Variants in YEATS2 observed in about 807,000 individuals in gnomAD.
YEATS2 encodes the protein YEATS domain containing 2.
In YEATS2, 77 loss-of-function variants were observed where a neutral mutation model predicts 163.2. The observed-to-expected ratio is 0.47, with a 90% CI of 0.39 to 0.57. YEATS2 has a LOEUF of 0.57. Ranked by LOEUF, YEATS2 falls within the 20% of genes least tolerant of loss-of-function variation. The pLI is 0.00. For missense variants in YEATS2, 1,549 were observed against 1,729.8 expected (o/e 0.90, Z 1.85); for synonymous variants, 631 against 645.1 (o/e 0.98, Z 0.33).
intron 5 of YEATS2, among the ~76,000 whole-genome samples, chr3:183,722,524 C>T (rs925626295): frequency 3.9e-5 from 6 of 152,238 alleles, no homozygotes; most frequent in Admixed American, 6.5e-5. Flanking sequence ...CTCCTGACCT[C>T]GTGATCTTCC....
chr3:183,719,260 C>A (rs913839427), intron 4 of YEATS2, among the ~76,000 whole-genome samples: 2 of 151,132 alleles, frequency 1.3e-5, no homozygotes, highest in Non-Finnish European at 3.0e-5. Flanking sequence ...CTCAGCCTCC[C>A]AAGTAGCTGG....
intron 7 of YEATS2, among the ~76,000 whole-genome samples, chr3:183,730,052 G>GTTTGTTTTT (rs1560244258): frequency 4.3e-4 from 18 of 41,714 alleles, no homozygotes; most frequent in Non-Finnish European, 7.0e-4. Context: ...TTTTTTGTTT[G>GTTTGTTTTT]TTTTTTTTTT....
chr3:183,713,653 T>C (rs1715502200), intron 1 of YEATS2, among the ~76,000 whole-genome samples: 1 of 152,248 alleles, frequency 6.6e-6, no homozygotes, highest in African/African-American at 2.4e-5. Flanking sequence ...ACAGCACTGG[T>C]CTGGATGATA....
At position 183,772,611 on chromosome 3, in the gene YEATS2, A is replaced by C. The variant is rs376924531; in HGVS notation, c.2206+48A>C. On this transcript the variant is annotated intron_variant, in intron 16 of 30. Transcript: ENST00000305135. Reference sequence around the variant, plus strand: ...GCCCTTTCAGCAGAAGCTCTGTCCAAAATTTCCTTTGCTAGTGATTTTATT... The same window carrying C: ...GCCCTTTCAGCAGAAGCTCTGTCCACAATTTCCTTTGCTAGTGATTTTATT... 17 of 1,603,398 alleles carry C rather than the reference A, an allele frequency of 1.1e-5. No individual in the cohort carries two copies. The African/African-American group carries it at 1.9e-4, about 18-fold the overall frequency.
chr3:183,768,274 A>G (rs1025041434), intron 15 of YEATS2, among the ~76,000 whole-genome samples: 1 of 152,204 alleles, frequency 6.6e-6, no homozygotes, highest in African/African-American at 2.4e-5. Context: ...CTTCTTGCCA[A>G]GAGGAAGGGA....
In YEATS2 at chr3:183,789,524, A is replaced by ATTTTTT. The variant is rs1560317945; in HGVS notation, c.2914-1273_2914-1272insTTTTTT. ...TTTAGGTTTCAGATTCATTCGAGTT[A>ATTTTTT]ATTTTTTTTTTTTTTTTTTTTTTTT... On this transcript the variant is annotated intron_variant, in intron 20 of 30. Coordinates refer to ENST00000305135, the MANE Select transcript of YEATS2 (RefSeq NM_018023.5). Among the ~76,000 whole-genome samples the ATTTTTT allele has an allele frequency of 5.2e-5, 4 of 77,104 alleles. No individual in the cohort carries two copies. The South Asian group carries it at 1.3e-3, about 26-fold the overall frequency. The allele number at this position is 77,104 out of a possible 152,430, so 50.6% of individuals were successfully genotyped here.
intron 19 of YEATS2, among the ~76,000 whole-genome samples, chr3:183,779,600 C>T (rs934447246): frequency 1.3e-5 from 2 of 152,218 alleles, no homozygotes; most frequent in East Asian, 3.8e-4. Context: ...GTAGGAGCAA[C>T]CGTGCTTTAT....
chr3:183,717,796 T>A lies in YEATS2; in HGVS notation c.198+48T>A, dbSNP rs551666007. 4.5e-5 allele frequency: 53 copies of A among 1,170,306 alleles called. No individual in the cohort carries two copies. In the Middle Eastern group the frequency reaches 1.0e-3, roughly 22 times the overall value. 72.5% of individuals were successfully genotyped at this position (1,170,306 alleles called of 1,614,324 possible). The stretch of plus-strand genomic sequence containing the variant: ...TAAACACCAAAGCTATTGAAAAAAA[T>A]GTATACATGATTGAAAAATAATCTA... On this transcript the variant is annotated intron_variant, in intron 3 of 30. Transcript: ENST00000305135.
intron 21 of YEATS2, among the ~76,000 whole-genome samples, chr3:183,796,517 T>G (rs1047202451): frequency 3.3e-5 from 5 of 150,768 alleles, no homozygotes; most frequent in Non-Finnish European, 7.4e-5. Context: ...CAAAGGCTGC[T>G]GCACAGAGGT....
chr3:183,810,633 G>C lies in YEATS2; in HGVS notation c.*50G>C, dbSNP rs768639927. The stretch of plus-strand genomic sequence containing the variant: ...CAGGCTTTGAAGGCACAGCGAAGCT[G>C]TAACTGAGGACCCTGCTGCTCGGGA... On this transcript the variant is annotated 3_prime_UTR_variant, in exon 31 of 31. Transcript: ENST00000305135. 1 of 1,540,164 alleles carries C rather than the reference G, an allele frequency of 6.5e-7. No homozygotes were observed. Among genetic ancestry groups the C allele is most frequent in the Non-Finnish European group, 9.0e-7 (1 of 1,116,460 alleles).
At chr3:183,768,841 G>A (rs985324990) in intron 15 of YEATS2, among the ~76,000 whole-genome samples, 7 of 152,126 alleles carry the variant, frequency 4.6e-5, no homozygotes, top group Admixed American at 3.3e-4. Flanking sequence ...GTGTGGTGGC[G>A]TGTGCCCATA....
At chr3:183,796,747 A>G (rs1302697649) in intron 21 of YEATS2, among the ~76,000 whole-genome samples, 2 of 152,118 alleles carry the variant, frequency 1.3e-5, no homozygotes, top group Non-Finnish European at 2.9e-5. Context: ...ATCCAGAGCT[A>G]TGTACAAAAT....
intron 11 of YEATS2, among the ~76,000 whole-genome samples, chr3:183,755,027 A>T (rs1034292187): frequency 6.6e-6 from 1 of 152,026 alleles, no homozygotes; most frequent in East Asian, 2.0e-4. Context: ...TGAAGGGGGG[A>T]AAAAAAGAAT....
At chr3:183,798,820 T>G (rs1725399797) in intron 22 of YEATS2, 71 bp from the exon 23 acceptor site, 1 of 1,229,634 alleles carries the variant, frequency 8.1e-7, no homozygotes, top group East Asian at 2.3e-5. Context: ...GGTTGTCACC[T>G]GGAAGTAGAT....
intron 28 of YEATS2, 108 bp from the exon 29 acceptor site, chr3:183,807,922 C>G (rs905146339): frequency 4.1e-5 from 35 of 847,180 alleles, no homozygotes; most frequent in Non-Finnish European, 5.8e-5. Context: ...TTGCAGAGTC[C>G]TCCTTCCAAC....
At chr3:183,716,474 A>G (rs1211932835) in intron 2 of YEATS2, among the ~76,000 whole-genome samples, 2 of 152,172 alleles carry the variant, frequency 1.3e-5, no homozygotes, top group Non-Finnish European at 1.5e-5. Context: ...GAAAATCTGT[A>G]TAGAAGGAAA....
intron 2 of YEATS2, among the ~76,000 whole-genome samples, chr3:183,716,066 TCTC>T (rs1458641986): frequency 6.6e-6 from 1 of 152,078 alleles, no homozygotes; most frequent in African/African-American, 2.4e-5. Flanking sequence ...TTCGCGCCAT[TCTC>T]CTGCGTCAGC....
chr3:183,788,735 G>A (rs1238456097), intron 20 of YEATS2, among the ~76,000 whole-genome samples: 6 of 152,134 alleles, frequency 3.9e-5, no homozygotes, highest in South Asian at 2.1e-4. Flanking sequence ...GTTCTCTATC[G>A]TGATTGTACT....
intron 15 of YEATS2, among the ~76,000 whole-genome samples, chr3:183,770,778 C>G (rs543459506): frequency 6.6e-6 from 1 of 152,306 alleles, no homozygotes; most frequent in South Asian, 2.1e-4. Flanking sequence ...TTCTGCAACT[C>G]CCTTTTCGCT....
Sources: gnomAD v4.1 joint callset for allele counts (sites outside exome capture counted in the v4.1 genomes callset) on GRCh38, gnomAD v4.1.1 for gene constraint, MANE v1.5 for transcripts, NCBI Gene and HGNC (gene_info 2026-07-23, HGNC 2026-07-21) for gene names.